Variants in APBB1IP observed in about 807,000 individuals in gnomAD.
APBB1IP encodes the protein amyloid beta precursor protein binding family B member 1 interacting protein.
Under a neutral mutation model 64.9 loss-of-function variants are expected in APBB1IP, and 27 were observed. The observed-to-expected ratio is 0.42, with a 90% CI of 0.31 to 0.57. The LOEUF (loss-of-function observed/expected upper bound fraction) is 0.57, where lower values mean the gene tolerates loss of function less well. Ranked by LOEUF, APBB1IP falls within the 20% of genes least tolerant of loss-of-function variation. The probability of loss-of-function intolerance (pLI) is 0.20; values close to 1 mark genes in which losing one functional copy is unlikely to be tolerated. For synonymous variants in APBB1IP, 392 were observed against 331.0 expected, an observed-to-expected ratio of 1.18 and a Z score of -2.00; for missense variants, 812 against 845.5, an observed-to-expected ratio of 0.96 and a Z score of 0.49.
At chr10:26,517,647 T>A (rs1264903268) in intron 8 of APBB1IP, among the ~76,000 whole-genome samples, 5 of 152,188 alleles carry the variant, frequency 3.3e-5, no homozygotes, top group Non-Finnish European at 5.9e-5. Flanking sequence ...TCTCACCATG[T>A]TGCCCGGGTT....
intron 8 of APBB1IP, among the ~76,000 whole-genome samples, chr10:26,530,493 C>A (rs1160101611): frequency 1.3e-5 from 2 of 151,920 alleles, no homozygotes; most frequent in African/African-American, 4.8e-5. Flanking sequence ...AGATCGAGAC[C>A]ATCCTGGCCA....
chr10:26,484,778 C>T (rs1022433063), intron 2 of APBB1IP, among the ~76,000 whole-genome samples: 1 of 152,060 alleles, frequency 6.6e-6, no homozygotes, highest in African/African-American at 2.4e-5. Flanking sequence ...TAATTTAATA[C>T]CATTCTGCTC....
intron 2 of APBB1IP, among the ~76,000 whole-genome samples, chr10:26,467,270 C>T (rs754907950): frequency 6.6e-6 from 1 of 151,990 alleles, no homozygotes; most frequent in Non-Finnish European, 1.5e-5. Context: ...TCATGCTTGA[C>T]ATGAAGCAAA....
At chr10:26,488,310 A>G (rs2132427506) in intron 2 of APBB1IP, among the ~76,000 whole-genome samples, 1 of 151,498 alleles carries the variant, frequency 6.6e-6, no homozygotes, top group Non-Finnish European at 1.5e-5. Context: ...ATCATAGTTC[A>G]CTGCAGCCTC....
chr10:26,538,789 T>G (rs1385006011), intron 10 of APBB1IP, among the ~76,000 whole-genome samples: 1 of 152,196 alleles, frequency 6.6e-6, no homozygotes, highest in Admixed American at 6.5e-5. Flanking sequence ...ATTCACAGAC[T>G]GATTTCATGG....
intron 2 of APBB1IP, among the ~76,000 whole-genome samples, chr10:26,467,355 T>TAA (rs539016571): frequency 1.5e-4 from 22 of 146,974 alleles, no homozygotes; most frequent in African/African-American, 5.2e-4. Flanking sequence ...GCCTTTAAAT[T>TAA]AAAAAAAAAA....
intron 8 of APBB1IP, among the ~76,000 whole-genome samples, chr10:26,517,325 C>T (rs570607225): frequency 6.6e-6 from 1 of 152,224 alleles, no homozygotes; most frequent in African/African-American, 2.4e-5. Flanking sequence ...CAGCGGCCTT[C>T]CTCCTGGCCC....
rs764573338 is a variant in APBB1IP at position 26,561,064 on chromosome 10, C to CTTTTTTTTTTTTT, written c.1369+232_1369+244dup. Among the ~76,000 whole-genome samples, 172 of 69,228 alleles carry CTTTTTTTTTTTTT rather than the reference C, an allele frequency of 2.5e-3. 1 individual carries two copies. The highest frequency in any genetic ancestry group is 0.023 in the Middle Eastern group (1 of 44). The allele number at this position is 69,228 out of a possible 152,430, so 45.4% of individuals were successfully genotyped here. A position where few individuals can be genotyped will look rare whatever the true frequency, so the allele number is the denominator to read the frequency against. On this transcript the variant is annotated intron_variant, in intron 13 of 14. Transcript: ENST00000376236. ...CTTTTCTTTTTTTCTTTCTTTCTTT[C>CTTTTTTTTTTTTT]TTTTTTTTTTTTTTTTTTTTTTTTG...
At chr10:26,561,553 T>A (rs187901476) in intron 13 of APBB1IP, among the ~76,000 whole-genome samples, 1 of 152,244 alleles carries the variant, frequency 6.6e-6, no homozygotes, top group East Asian at 1.9e-4. Context: ...TAGATGTTTC[T>A]TATCAAAGTA....
At chr10:26,470,593 T>C (rs1213508672) in intron 2 of APBB1IP, among the ~76,000 whole-genome samples, 2 of 152,158 alleles carry the variant, frequency 1.3e-5, no homozygotes, top group African/African-American at 4.8e-5. Flanking sequence ...AACTATAGGC[T>C]AGTGTAAGTT....
At chr10:26,517,301 C>T (rs746987563) in intron 8 of APBB1IP, among the ~76,000 whole-genome samples, 6 of 152,202 alleles carry the variant, frequency 3.9e-5, no homozygotes, top group Non-Finnish European at 7.3e-5. Context: ...GATAACAGAG[C>T]ATTCAGGGAG....
chr10:26,455,230 T>A (rs1287492034), intron 2 of APBB1IP, among the ~76,000 whole-genome samples: 1 of 152,148 alleles, frequency 6.6e-6, no homozygotes, highest in Non-Finnish European at 1.5e-5. Context: ...AGTGTATCAT[T>A]AAGAAGGAAA....
intron 4 of APBB1IP, among the ~76,000 whole-genome samples, chr10:26,499,619 T>C (rs1488743419): frequency 2.0e-5 from 3 of 152,154 alleles, no homozygotes; most frequent in African/African-American, 4.8e-5. Flanking sequence ...ATTCACTATA[T>C]AATGTATGCC....
rs1025002972 is a variant in APBB1IP, at chr10:26,530,346, T to C, written c.814-3093T>C. Among the ~76,000 whole-genome samples the C allele has an allele frequency of 2.0e-5, 3 of 151,570 alleles. No homozygotes were observed. In the East Asian group the frequency reaches 5.8e-4, roughly 29 times the overall value. ...TGGAGTAGCTGGGACTACAGGTGCA[T>C]GCCATTATGCCCGGCTCTGTACTTA... On this transcript the variant is annotated intron_variant, in intron 8 of 14. Transcript: ENST00000376236.
chr10:26,531,057 A>G (rs1463089940), intron 8 of APBB1IP, among the ~76,000 whole-genome samples: 2 of 152,200 alleles, frequency 1.3e-5, no homozygotes, highest in African/African-American at 2.4e-5. Context: ...AGAATTACCA[A>G]AAGAATTGTA....
At position 26,501,538 on chromosome 10, in the gene APBB1IP, C is replaced by T. The variant is rs907237396; in HGVS notation, c.453+427C>T. The T allele has an allele frequency of 5.2e-5, 12 of 232,776 alleles. No homozygotes were observed. In the East Asian group the frequency reaches 8.6e-4, roughly 17 times the overall value. The allele number at this position is 232,776 out of a possible 1,614,324, so 14.4% of individuals were successfully genotyped here. ...AATTGAATTTTGTTGAACTTGGCAG[C>T]CCTGTTCAGTAGGACAGGTACATCC... On this transcript the variant is annotated intron_variant, in intron 5 of 14. Coordinates refer to ENST00000376236, the MANE Select transcript of APBB1IP (RefSeq NM_019043.4).
chr10:26,493,453 G>A (rs370205268), intron 3 of APBB1IP, among the ~76,000 whole-genome samples: 48 of 152,266 alleles, frequency 3.2e-4, no homozygotes, highest in African/African-American at 9.9e-4. Context: ...AAAGACAGGC[G>A]TAAGAAATTA....
chr10:26,498,630 C>G (rs186246137), intron 4 of APBB1IP, among the ~76,000 whole-genome samples: 23 of 152,312 alleles, frequency 1.5e-4, no homozygotes, highest in Admixed American at 2.0e-4. Flanking sequence ...GCTTTATAAT[C>G]AGTTCAATTA....
intron 2 of APBB1IP, among the ~76,000 whole-genome samples, chr10:26,449,004 G>A (rs1430254159): frequency 1.3e-5 from 2 of 152,106 alleles, no homozygotes; most frequent in African/African-American, 2.4e-5. Flanking sequence ...CCAAAAATAC[G>A]CCTGTCTTTC....
Sources: allele counts gnomAD v4.1 joint callset (sites outside exome capture counted in the v4.1 genomes callset), GRCh38; gene constraint gnomAD v4.1.1; transcripts MANE v1.5; gene names NCBI Gene and HGNC (gene_info 2026-07-23, HGNC 2026-07-21).